FCGR2A: variants seen among roughly 807,000 people sequenced by gnomAD.
FCGR2A encodes the protein low affinity immunoglobulin gamma Fc region receptor II-a.
Under a neutral mutation model 29.3 loss-of-function variants are expected in FCGR2A, and 18 were observed. That is an observed-to-expected ratio of 0.62 (90% CI 0.43 to 0.91). FCGR2A has a LOEUF of 0.91. Ranked by LOEUF, FCGR2A falls within the 40% of genes least tolerant of loss-of-function variation. The probability of loss-of-function intolerance (pLI) is 0.00; values close to 1 mark genes in which losing one functional copy is unlikely to be tolerated. For synonymous variants in FCGR2A, 126 were observed against 144.8 expected, an observed-to-expected ratio of 0.87 and a Z score of 0.93; for missense variants, 287 against 393.0, an observed-to-expected ratio of 0.73 and a Z score of 2.28.
chr1:161,511,055 C>A lies in FCGR2A; in HGVS notation c.742+99C>A, dbSNP rs115803420. On this transcript the variant is annotated intron_variant, in intron 5 of 6. Transcript: ENST00000271450. ...AATCCCGCTCTTAGGGCTAGATATG[C>A]ATTCCGATCTAGGCCCACCTTTTAT... The A allele has an allele frequency of 1.2e-3, 1,876 of 1,544,056 alleles. 6 individuals are homozygous for A. Among genetic ancestry groups the A allele is most frequent in the African/African-American group, 8.9e-3 (657 of 73,450 alleles).
At chr1:161,513,231 A>G (rs1675926345) in intron 5 of FCGR2A, 1 of 150,758 alleles carries the variant, frequency 6.6e-6, no homozygotes, top group Non-Finnish European at 1.5e-5. Context: ...TATGACAAAA[A>G]CATGAGGCAA....
chr1:161,522,499 A>G (rs1171234001), downstream of FCGR2A, among the ~76,000 whole-genome samples: 1 of 152,038 alleles, frequency 6.6e-6, no homozygotes, highest in Non-Finnish European at 1.5e-5. Context: ...AGGAGCCCAC[A>G]CAAGACAGCC....
chr1:161,519,240 CCA>C lies in FCGR2A; in HGVS notation c.*1095_*1096del, dbSNP rs1287369368. 1 of 152,986 alleles carries C rather than the reference CCA, an allele frequency of 6.5e-6. No homozygotes were observed. The highest frequency in any genetic ancestry group is 2.4e-5 in the African/African-American group (1 of 41,436). 9.5% of individuals were successfully genotyped at this position (152,986 alleles called of 1,614,324 possible). A position where few individuals can be genotyped will look rare whatever the true frequency, so the allele number is the denominator to read the frequency against. ...GTCCCAAAGCTCCCTGTCCTGAAAG[CCA>C]CAGACAATATGGTCCCAAATGACTG... On this transcript the variant is annotated 3_prime_UTR_variant, in exon 7 of 7. Transcript: ENST00000271450.
At chr1:161,515,649 T>C (rs1676105674) in intron 6 of FCGR2A, among the ~76,000 whole-genome samples, 2 of 152,026 alleles carry the variant, frequency 1.3e-5, no homozygotes, top group African/African-American at 4.8e-5. Flanking sequence ...AAGGAGGAAT[T>C]TTTTAGAAAC....
intron 3 of FCGR2A, among the ~76,000 whole-genome samples, chr1:161,509,373 T>A (rs1475059594): frequency 2.7e-5 from 4 of 149,702 alleles, no homozygotes; most frequent in African/African-American, 7.4e-5. Context: ...CAACAGCATG[T>A]GGAAAAAAGG....
intron 6 of FCGR2A, among the ~76,000 whole-genome samples, chr1:161,516,313 T>C (rs1014316129): frequency 2.6e-5 from 4 of 152,078 alleles, no homozygotes; most frequent in African/African-American, 9.7e-5. Flanking sequence ...TGTTTCAGAA[T>C]TTGGAAACTC....
chr1:161,510,229 A>T, intron 4 of FCGR2A, 155 bp downstream of exon 4: 1 of 1,363,572 alleles, frequency 7.3e-7, no homozygotes, highest in Non-Finnish European at 9.9e-7. Flanking sequence ...CTAAGTATTG[A>T]CCAACAAGTA....
At chr1:161,506,682 T>C (rs907135180) in intron 3 of FCGR2A, 91 bp downstream of exon 3, 9 of 1,576,114 alleles carry the variant, frequency 5.7e-6, no homozygotes, top group Admixed American at 5.3e-5. Context: ...AGAGTGGGCG[T>C]GGACTGCTTA....
chr1:161,522,230 A>C (rs1676481571), downstream of FCGR2A, among the ~76,000 whole-genome samples: 1 of 151,858 alleles, frequency 6.6e-6, no homozygotes, highest in East Asian at 1.9e-4. Context: ...AAACAAAAAA[A>C]CCCCCAACAA....
chr1:161,506,050 C>A, intron 2 of FCGR2A, 43 bp downstream of exon 2: 1 of 1,592,632 alleles, frequency 6.3e-7, no homozygotes, highest in East Asian at 2.2e-5. Flanking sequence ...GTGTTGTATC[C>A]TCATAATATG....
downstream of FCGR2A, among the ~76,000 whole-genome samples, chr1:161,520,359 C>T (rs1676405114): frequency 6.6e-6 from 1 of 151,974 alleles, no homozygotes; most frequent in South Asian, 2.1e-4. Flanking sequence ...AGGGAAGGTG[C>T]CAGACACTTA....
At chr1:161,509,776 AATCT>A in intron 3 of FCGR2A, 40 bp from the exon 4 acceptor site, 1 of 1,611,734 alleles carries the variant, frequency 6.2e-7, no homozygotes, top group Non-Finnish European at 8.5e-7. Context: ...AAACCCTTGG[AATCT>A]ATCCTTACAA....
intron 1 of FCGR2A, 57 bp from the exon 2 acceptor site, chr1:161,505,930 T>G (rs1675355175): frequency 1.9e-6 from 3 of 1,593,932 alleles, no homozygotes; most frequent in Non-Finnish European, 2.6e-6. Context: ...CATACGCAGC[T>G]AAATTTGAAG....
downstream of FCGR2A, chr1:161,522,876 C>T (rs1015743543): frequency 2.0e-5 from 3 of 152,046 alleles, no homozygotes; most frequent in African/African-American, 4.8e-5. Flanking sequence ...GAACCCAGCC[C>T]GGGAACAGTA....
Position 161,513,860 on chromosome 1 carries a change from A to G in FCGR2A, c.743-35A>G, listed in dbSNP as rs371086260. 31 of 1,614,154 alleles carry G rather than the reference A, an allele frequency of 1.9e-5. No individual in the cohort carries two copies. In the African/African-American group the frequency reaches 3.5e-4, roughly 18 times the overall value. Reference sequence around the variant, plus strand: ...GCGTGGGCAGGCCCTTTTCAACAGCAGTGCCCTGGCTAATCTTTTTCTTTT... The same window carrying G: ...GCGTGGGCAGGCCCTTTTCAACAGCGGTGCCCTGGCTAATCTTTTTCTTTT... On this transcript the variant is annotated intron_variant, in intron 5 of 6. Coordinates refer to ENST00000271450, the MANE Select transcript of FCGR2A (RefSeq NM_001136219.3).
intron 4 of FCGR2A, 189 bp downstream of exon 4, chr1:161,510,263 C>T (rs1299078330): frequency 1.3e-5 from 13 of 1,011,152 alleles, no homozygotes; most frequent in Middle Eastern, 2.6e-4. Flanking sequence ...GGAGCCCTCA[C>T]GTCCCAGGTA....
Position 161,515,238 on chromosome 1 carries a change from TAAG to T in FCGR2A, c.780+1309_780+1311del, listed in dbSNP as rs1189749980. Among the ~76,000 whole-genome samples the T allele has an allele frequency of 4.6e-5, 7 of 152,372 alleles. No individual in the cohort carries two copies. The East Asian group carries it at 1.3e-3, about 29-fold the overall frequency. ...TAAGTAAATCTTTACAATGTGCTAA[TAAG>T]AAAGTATTCTAAACCTATTAACCTC... On this transcript the variant is annotated intron_variant, in intron 6 of 6. Transcript: ENST00000271450.
chr1:161,506,737 C>T lies in FCGR2A; in HGVS notation c.364+146C>T, dbSNP rs1675436626. ...GTTGCTCATTCATTCCCCATTTCAC[C>T]CACCCTCTTTGCTTAGCATGCGTGG... On this transcript the variant is annotated intron_variant, in intron 3 of 6. Transcript: ENST00000271450. 7.8e-6 allele frequency: 11 copies of T among 1,414,786 alleles called. No individual in the cohort carries two copies. In the Admixed American group the frequency reaches 9.9e-5, roughly 13 times the overall value. The allele number at this position is 1,414,786 out of a possible 1,614,324, so 87.6% of individuals were successfully genotyped here. A position where few individuals can be genotyped will look rare whatever the true frequency, so the allele number is the denominator to read the frequency against.
In FCGR2A at chr1:161,519,549, ATAAAACAT is replaced by A. The variant is rs1303374742; in HGVS notation, c.*1404_*1411del. On this transcript the variant is annotated 3_prime_UTR_variant, in exon 7 of 7. Coordinates refer to ENST00000271450, the MANE Select transcript of FCGR2A (RefSeq NM_001136219.3). ...ATAATGATCATATATTACCTTTGTA[ATAAAACAT>A]TATAACCAAAACATTCTGTTTACCT... The A allele has an allele frequency of 3.9e-5, 6 of 152,100 alleles. No individual in the cohort carries two copies. The highest frequency in any genetic ancestry group is 5.9e-5 in the Non-Finnish European group (4 of 67,996). 9.4% of individuals were successfully genotyped at this position (152,100 alleles called of 1,614,324 possible). A position where few individuals can be genotyped will look rare whatever the true frequency, so the allele number is the denominator to read the frequency against.
Sources: gnomAD v4.1 joint callset for allele counts (sites outside exome capture counted in the v4.1 genomes callset) on GRCh38, gnomAD v4.1.1 for gene constraint, MANE v1.5 for transcripts, NCBI Gene and HGNC (gene_info 2026-07-23, HGNC 2026-07-21) for gene names.